MFGE8: variants seen among roughly 807,000 people sequenced by gnomAD.
MFGE8 encodes the protein lactadherin.
Under a neutral mutation model 42.6 loss-of-function variants are expected in MFGE8, and 34 were observed. That is an observed-to-expected ratio of 0.80 (90% CI 0.61 to 1.06). MFGE8 has a LOEUF of 1.06. Among genes scored for constraint, MFGE8 ranks in the 50% least tolerant of loss-of-function variants. The pLI is 0.00. For missense variants in MFGE8, 510 were observed against 516.9 expected (o/e 0.99, Z 0.13); for synonymous variants, 230 against 214.8 (o/e 1.07, Z -0.62).
chr15:88,912,171 A>G, intron 1 of MFGE8: 1 of 1,289,846 alleles, frequency 7.8e-7, no homozygotes, highest in South Asian at 1.2e-5. Flanking sequence ...AAAAGGCCAC[A>G]TCACCCTGTA....
In MFGE8 at chr15:88,910,391, G is replaced by A. The variant is rs1160714132; in HGVS notation, c.74-468C>T. On this transcript the variant is annotated intron_variant, in intron 1 of 7. Transcript: ENST00000268150. ...CCGCCCACCAATTCAGGCACAGGTT[G>A]CAGTCACAGATGTCACCTCCAATGG... The A allele has an allele frequency of 1.2e-5, 3 of 258,576 alleles. No individual in the cohort carries two copies. In the East Asian group the frequency reaches 2.9e-4, roughly 25 times the overall value. 16.0% of individuals were successfully genotyped at this position (258,576 alleles called of 1,614,324 possible). A position where few individuals can be genotyped will look rare whatever the true frequency, so the allele number is the denominator to read the frequency against.
chr15:88,906,597 C>G lies in MFGE8; in HGVS notation c.540+29G>C. The G allele has an allele frequency of 6.2e-7, 1 of 1,613,486 alleles. No homozygotes were observed. The highest frequency in any genetic ancestry group is 8.5e-7 in the Non-Finnish European group (1 of 1,179,682). On this transcript the variant is annotated intron_variant, in intron 4 of 7. Transcript: ENST00000268150. The surrounding 1 kb of genome is among the most constrained non-coding windows in gnomAD (Gnocchi z 4.2). ...GAACCTTAGGGGGTATGGACCACAGCCCTTCTTTCGGGCCCCAACAAGACC... is the reference window on the plus strand; with the variant it reads ...GAACCTTAGGGGGTATGGACCACAGGCCTTCTTTCGGGCCCCAACAAGACC...
chr15:88,905,628 G>T lies in MFGE8; in HGVS notation c.685+129C>A. On this transcript the variant is annotated intron_variant, in intron 5 of 7. Transcript: ENST00000268150. The surrounding 1 kb of genome is among the most constrained non-coding windows in gnomAD (Gnocchi z 6.6). Reference sequence around the variant, plus strand: ...TGACCCCCTAGAGTGCGTTGCCCGAGTGAAGCCTGGTCCCCGTGCCTTGTT... The same window carrying T: ...TGACCCCCTAGAGTGCGTTGCCCGATTGAAGCCTGGTCCCCGTGCCTTGTT... The T allele has an allele frequency of 1.5e-6, 2 of 1,315,296 alleles. No individual in the cohort carries two copies. The highest frequency in any genetic ancestry group is 2.2e-6 in the Non-Finnish European group (2 of 930,174). The allele number at this position is 1,315,296 out of a possible 1,614,324, so 81.5% of individuals were successfully genotyped here.
chr15:88,905,673 T>C lies in MFGE8; in HGVS notation c.685+84A>G. 3.1e-6 allele frequency: 5 copies of C among 1,587,486 alleles called. No individual in the cohort carries two copies. Among genetic ancestry groups the C allele is most frequent in the East Asian group, 2.2e-5 (1 of 44,714 alleles). On this transcript the variant is annotated intron_variant, in intron 5 of 7. Coordinates refer to ENST00000268150, the MANE Select transcript of MFGE8 (RefSeq NM_005928.4). The surrounding 1 kb of genome is among the most constrained non-coding windows in gnomAD (Gnocchi z 6.6). ...CTTGTTGCTGCCCTACCTAGCTCAG[T>C]TTGGCTGAGAAAAGAGGCAGCAGGG...
At position 88,906,141 on chromosome 15, in the gene MFGE8, T is replaced by G. The variant is rs1898664764; in HGVS notation, c.541-240A>C. ...CATGGAGCCTGGGCATAAACCCCTA[T>G]AGCTGACACAGGGCCACCTGTAACC... On this transcript the variant is annotated intron_variant, in intron 4 of 7. Coordinates refer to ENST00000268150, the MANE Select transcript of MFGE8 (RefSeq NM_005928.4). This position sits in a 1 kb window ranked among gnomAD's most constrained non-coding sequence, Gnocchi z 4.2. 2 of 576,096 alleles carry G rather than the reference T, an allele frequency of 3.5e-6. No individual in the cohort carries two copies. Among genetic ancestry groups the G allele is most frequent in the East Asian group, 3.0e-5 (1 of 33,208 alleles). The allele number at this position is 576,096 out of a possible 1,614,324, so 35.7% of individuals were successfully genotyped here. A position where few individuals can be genotyped will look rare whatever the true frequency, so the allele number is the denominator to read the frequency against.
chr15:88,899,877 C>T lies in MFGE8; in HGVS notation c.871-66G>A. The T allele has an allele frequency of 6.3e-7, 1 of 1,582,502 alleles. No individual in the cohort carries two copies. Among genetic ancestry groups the T allele is most frequent in the South Asian group, 1.1e-5 (1 of 89,636 alleles). On this transcript the variant is annotated intron_variant, in intron 6 of 7. Transcript: ENST00000268150. This position sits in a 1 kb window ranked among gnomAD's most constrained non-coding sequence, Gnocchi z 6.8. ...CTCCAGTAAGGTGAAAAGAGGCAGA[C>T]ACACTGAGGCATGAATTCTAGTTTT... is the stretch of plus-strand genomic sequence containing the variant.
In MFGE8 at chr15:88,899,500, G is replaced by A; in HGVS notation, c.1059C>T (p.His353=). 6.2e-7 allele frequency: 1 copy of A among 1,614,224 alleles called. No homozygotes were observed. The highest frequency in any genetic ancestry group is 8.5e-7 in the Non-Finnish European group (1 of 1,180,032). Residue 353 remains histidine, a synonymous_variant, in exon 8 of 8, where the codon CAC becomes CAT. Coordinates refer to ENST00000268150, the MANE Select transcript of MFGE8 (RefSeq NM_005928.4). This position sits in a 1 kb window ranked among gnomAD's most constrained non-coding sequence, Gnocchi z 6.8. ...IFPGNWDNHS[H]KKNLFETPIL... is the part of the protein sequence containing the mutation. ...TGGGCGTCTCAAACAAGTTCTTCTTGTGGGAGTGGTTGTCCCAGTTGCCAG... is the reference window on the plus strand; with the variant it reads ...TGGGCGTCTCAAACAAGTTCTTCTTATGGGAGTGGTTGTCCCAGTTGCCAG...
chr15:88,912,568 T>G (rs1001795449), intron 1 of MFGE8: 1 of 985,340 alleles, frequency 1.0e-6, no homozygotes, highest in East Asian at 1.1e-4. Flanking sequence ...CCAGCTGGCC[T>G]CCGGAGGCCT....
chr15:88,901,500 C>A (rs146699098), intron 6 of MFGE8, 51 bp downstream of exon 6: 46 of 1,522,448 alleles, frequency 3.0e-5, no homozygotes, highest in East Asian at 2.5e-4. Context: ...TCTGGCAGTC[C>A]CACCTCATCC....
rs965486592 is a variant in MFGE8 at position 88,905,238 on chromosome 15, A to G, written c.685+519T>C. 19 of 333,046 alleles carry G rather than the reference A, an allele frequency of 5.7e-5. No individual in the cohort carries two copies. The highest frequency in any genetic ancestry group is 4.1e-4 in the African/African-American group (19 of 46,116). 20.6% of individuals were successfully genotyped at this position (333,046 alleles called of 1,614,324 possible). A position where few individuals can be genotyped will look rare whatever the true frequency, so the allele number is the denominator to read the frequency against. ...TCTGGATGGGTGTGGTCGGGAGCCC[A>G]GAGATCTAGACCAAGTCTTAATACC... On this transcript the variant is annotated intron_variant, in intron 5 of 7. Transcript: ENST00000268150. This position sits in a 1 kb window ranked among gnomAD's most constrained non-coding sequence, Gnocchi z 6.6.
intron 5 of MFGE8, chr15:88,901,939 A>C (rs1266488451): frequency 1.7e-6 from 1 of 604,192 alleles, no homozygotes; most frequent in East Asian, 3.0e-5. Flanking sequence ...CACCTCAACC[A>C]GCCGGGCTCA....
intron 2 of MFGE8, among the ~76,000 whole-genome samples, chr15:88,908,319 G>T (rs979097664): frequency 6.6e-6 from 1 of 152,198 alleles, no homozygotes; most frequent in African/African-American, 2.4e-5. Flanking sequence ...AGGGGAACGC[G>T]CAAAGTGAGG....
rs1898499447 is a variant in MFGE8, at chr15:88,902,911, T to C, written c.686-1176A>G. 6.6e-6 allele frequency: 1 copy of C among 152,008 alleles called. No homozygotes were observed. Among genetic ancestry groups the C allele is most frequent in the Non-Finnish European group, 1.5e-5 (1 of 68,022 alleles). The allele number at this position is 152,008 out of a possible 1,614,324, so 9.4% of individuals were successfully genotyped here. ...CTCCAATACTCTCACCACTCAAGAG[T>C]ACTGGGAGCCAGCTAAGTTATATCA... is the stretch of plus-strand genomic sequence containing the variant. On this transcript the variant is annotated intron_variant, in intron 5 of 7. Coordinates refer to ENST00000268150, the MANE Select transcript of MFGE8 (RefSeq NM_005928.4). This position sits in a 1 kb window ranked among gnomAD's most constrained non-coding sequence, Gnocchi z 4.3.
rs372788752 is a variant in MFGE8, at chr15:88,905,860, G to A, written c.582C>T (p.Asn194=). ...GAGCCTCCACAGGGGTCTCAAACAG[G>A]TTGACATGCACCGCGTTTTTGTTCC... ...GNWNKNAVHV[N]LFETPVEAQY... Residue 194 remains asparagine (N), a synonymous_variant, in exon 5 of 8, where the codon AAC becomes AAT. Coordinates refer to ENST00000268150, the MANE Select transcript of MFGE8 (RefSeq NM_005928.4). The surrounding 1 kb of genome is among the most constrained non-coding windows in gnomAD (Gnocchi z 6.6). 11 of 1,614,214 alleles carry A rather than the reference G, an allele frequency of 6.8e-6. No homozygotes were observed. The highest frequency in any genetic ancestry group is 8.5e-6 in the Non-Finnish European group (10 of 1,180,032).
chr15:88,905,787 G>A lies in MFGE8; in HGVS notation c.655C>T (p.Arg219Cys), dbSNP rs200993989. 26 of 1,614,178 alleles carry A rather than the reference G, an allele frequency of 1.6e-5. No individual in the cohort carries two copies. Among genetic ancestry groups the A allele is most frequent in the East Asian group, 4.5e-5 (2 of 44,872 alleles). Residue 219 changes from arginine (R) to cysteine (C), a missense_variant, in exon 5 of 8, where the codon CGC (arginine) becomes TGC (cysteine). Coordinates refer to ENST00000268150, the MANE Select transcript of MFGE8 (RefSeq NM_005928.4). The surrounding 1 kb of genome is among the most constrained non-coding windows in gnomAD (Gnocchi z 6.6). ...AGCTCACAGCCCAGTAGCTCAAAGC[G>A]CAGAGTGCAGGCCGTGTGGCAGCTC... ...PTSCHTACTL[R>C]FELLGCELNG...
chr15:88,899,879 C>T lies in MFGE8; in HGVS notation c.871-68G>A, dbSNP rs1567213141. 3 of 1,582,512 alleles carry T rather than the reference C, an allele frequency of 1.9e-6. No individual in the cohort carries two copies. Among genetic ancestry groups the T allele is most frequent in the Non-Finnish European group, 2.6e-6 (3 of 1,153,800 alleles). ...CCAGTAAGGTGAAAAGAGGCAGACA[C>T]ACTGAGGCATGAATTCTAGTTTTGA... On this transcript the variant is annotated intron_variant, in intron 6 of 7. Transcript: ENST00000268150. The surrounding 1 kb of genome is among the most constrained non-coding windows in gnomAD (Gnocchi z 6.8).
chr15:88,906,770 C>T lies in MFGE8; in HGVS notation c.396G>A (p.Leu132=), dbSNP rs750409778. The part of the protein sequence containing the change: ...NDDNPWIQVN[L]LRRMWVTGVV... ...CACCTGTTACCCACATCCTCCGCAG[C>T]AGGTTCACCTGGACACAGGGCAGGG... The change falls in exon 4 of 8, where the codon CTG becomes CTA. Residue 132 remains leucine, a synonymous_variant. Transcript: ENST00000268150. The surrounding 1 kb of genome is among the most constrained non-coding windows in gnomAD (Gnocchi z 4.2). The T allele has an allele frequency of 1.1e-4, 180 of 1,612,822 alleles. No homozygotes were observed. Among genetic ancestry groups the T allele is most frequent in the Non-Finnish European group, 1.5e-4 (176 of 1,179,868 alleles).
rs1469234424 is a variant in MFGE8, at chr15:88,899,214, G to A, written c.*181C>T. 5 of 798,742 alleles carry A rather than the reference G, an allele frequency of 6.3e-6. No homozygotes were observed. The highest frequency in any genetic ancestry group is 1.7e-5 in the African/African-American group (1 of 58,520). The allele number at this position is 798,742 out of a possible 1,614,324, so 49.5% of individuals were successfully genotyped here. On this transcript the variant is annotated 3_prime_UTR_variant, in exon 8 of 8. Transcript: ENST00000268150. The surrounding 1 kb of genome is among the most constrained non-coding windows in gnomAD (Gnocchi z 6.8). ...TAGGGGACGGGGCTTAGGGGCTGGGGCAGGGCCCGTGAGAGGTGGAGGGTG... is the reference window on the plus strand; with the variant it reads ...TAGGGGACGGGGCTTAGGGGCTGGGACAGGGCCCGTGAGAGGTGGAGGGTG...
chr15:88,901,201 ATT>A lies in MFGE8; in HGVS notation c.870+348_870+349del, dbSNP rs1351771625. On this transcript the variant is annotated intron_variant, in intron 6 of 7. Transcript: ENST00000268150. ...CACACATTCACACACACATTCACAC[ATT>A]CACACACACACATTCACACATACAC... is the stretch of plus-strand genomic sequence containing the variant. 1.9e-4 allele frequency among the ~76,000 whole-genome samples: 19 copies of A among 99,458 alleles called. No homozygotes were observed. In the South Asian group the frequency reaches 5.8e-3, roughly 30 times the overall value. The allele number at this position is 99,458 out of a possible 152,430, so 65.2% of individuals were successfully genotyped here. A position where few individuals can be genotyped will look rare whatever the true frequency, so the allele number is the denominator to read the frequency against.
Sources: gnomAD v4.1 joint callset for allele counts (sites outside exome capture counted in the v4.1 genomes callset) on GRCh38, gnomAD v4.1.1 for gene constraint, Gnocchi (gnomAD v3.1) non-coding constraint, MANE v1.5 for transcripts, NCBI Gene and HGNC (gene_info 2026-07-23, HGNC 2026-07-21) for gene names.